Variants in PPARGC1A observed in about 807,000 individuals in gnomAD.
The protein encoded by PPARGC1A is PPARG coactivator 1 alpha.
PPARGC1A carries 25 observed loss-of-function variants against 88.7 expected under a neutral mutation model. The observed-to-expected ratio is 0.28, with a 90% CI of 0.21 to 0.39. The LOEUF is 0.39. Ranked by LOEUF, PPARGC1A falls within the 10% of genes least tolerant of loss-of-function variation. PPARGC1A has a pLI of 1.00. For missense variants in PPARGC1A, 880 were observed against 968.7 expected (o/e 0.91, Z 1.22); for synonymous variants, 363 against 355.6 (o/e 1.02, Z -0.24).
At chr4:24,236,825 C>A in the PPARGC1A span, among the ~76,000 whole-genome samples, 1 of 152,120 alleles carries the variant, frequency 6.6e-6, no homozygotes, top group African/African-American at 2.4e-5. Flanking sequence ...TTCGAAAATC[C>A]CCTTAAAAGT....
intron 1 of PPARGC1A, among the ~76,000 whole-genome samples, chr4:23,887,518 A>G (rs1216099051): frequency 6.6e-6 from 1 of 152,192 alleles, no homozygotes; most frequent in Non-Finnish European, 1.5e-5. Flanking sequence ...TGCAACTATG[A>G]CAGCTATTTC....
chr4:23,913,294 AGAGAGAG>A, the PPARGC1A span, among the ~76,000 whole-genome samples: 1 of 146,186 alleles, frequency 6.8e-6, no homozygotes, highest in Admixed American at 6.9e-5. Context: ...AGAGAGAGAG[AGAGAGAG>A]AGAGAGAAAG....
chr4:23,917,231 T>C, the PPARGC1A span, among the ~76,000 whole-genome samples: 1 of 152,150 alleles, frequency 6.6e-6, no homozygotes, highest in Non-Finnish European at 1.5e-5. Context: ...AAGAATAAAA[T>C]GGGTACTTAC....
At chr4:24,371,765 A>AC in the PPARGC1A span, among the ~76,000 whole-genome samples, 7 of 142,192 alleles carry the variant, frequency 4.9e-5, no homozygotes, top group Admixed American at 2.1e-4. Context: ...ACATGATGAA[A>AC]CCCCATCTCC....
chr4:24,264,614 C>T, the PPARGC1A span, among the ~76,000 whole-genome samples: 31 of 152,336 alleles, frequency 2.0e-4, no homozygotes, highest in South Asian at 1.7e-3. Context: ...TGGCAACATG[C>T]GGAACCCAGG....
chr4:24,105,995 T>A, the PPARGC1A span, among the ~76,000 whole-genome samples: 1 of 152,226 alleles, frequency 6.6e-6, no homozygotes, highest in Non-Finnish European at 1.5e-5. Context: ...CTAACTCATT[T>A]CAGCAGCCTG....
intron 10 of PPARGC1A, among the ~76,000 whole-genome samples, chr4:23,810,588 T>C (rs1298479005): frequency 6.6e-6 from 1 of 152,196 alleles, no homozygotes; most frequent in East Asian, 1.9e-4. Context: ...TAATCATCTT[T>C]AGAAGGCATA....
chr4:24,114,437 A>T, the PPARGC1A span, among the ~76,000 whole-genome samples: 1 of 152,166 alleles, frequency 6.6e-6, no homozygotes, highest in Non-Finnish European at 1.5e-5. Context: ...TCTGGAAAAA[A>T]CAGGGTTTTA....
chr4:24,216,446 C>A, the PPARGC1A span, among the ~76,000 whole-genome samples: 1 of 152,108 alleles, frequency 6.6e-6, no homozygotes, highest in African/African-American at 2.4e-5. Flanking sequence ...TCACACTCAG[C>A]CCATTTTGCA....
chr4:23,949,246 G>C, the PPARGC1A span, among the ~76,000 whole-genome samples: 16 of 151,996 alleles, frequency 1.1e-4, no homozygotes, highest in African/African-American at 3.9e-4. Flanking sequence ...ACATGTCAAC[G>C]TAATTTCTAA....
At chr4:23,876,953 A>C (rs1055785453) in intron 2 of PPARGC1A, among the ~76,000 whole-genome samples, 1 of 152,186 alleles carries the variant, frequency 6.6e-6, no homozygotes, top group Non-Finnish European at 1.5e-5. Flanking sequence ...GCAGGTCTAC[A>C]AAATATTAGT....
the PPARGC1A span, among the ~76,000 whole-genome samples, chr4:24,263,819 A>G: frequency 6.6e-6 from 1 of 152,080 alleles, no homozygotes; most frequent in Non-Finnish European, 1.5e-5. Context: ...GTGCCATCTT[A>G]GCTCACTGCA....
chr4:24,307,840 A>C, the PPARGC1A span, among the ~76,000 whole-genome samples: 2 of 152,052 alleles, frequency 1.3e-5, no homozygotes, highest in Non-Finnish European at 2.9e-5. Context: ...TTAAATGAAT[A>C]CCCAAGACAG....
chr4:23,812,706 A>C lies in PPARGC1A; in HGVS notation c.2019+41T>G, dbSNP rs746940106. The C allele has an allele frequency of 6.2e-6, 10 of 1,609,302 alleles. No homozygotes were observed. In the Admixed American group the frequency reaches 1.7e-4, roughly 27 times the overall value. Reference sequence around the variant, plus strand: ...CAAAAAAAGCACACAGAAAAAGAAGAAACCCTACTTTAAAATAAAAGTGAG... The same window carrying C: ...CAAAAAAAGCACACAGAAAAAGAAGCAACCCTACTTTAAAATAAAAGTGAG... On this transcript the variant is annotated intron_variant, in intron 10 of 12. Coordinates refer to ENST00000264867, the MANE Select transcript of PPARGC1A (RefSeq NM_013261.5).
intron 7 of PPARGC1A, among the ~76,000 whole-genome samples, chr4:23,819,271 C>T (rs1434786962): frequency 3.3e-5 from 5 of 152,182 alleles, no homozygotes; most frequent in African/African-American, 1.2e-4. Context: ...AGTGTTCACA[C>T]TTGGCACAGA....
chr4:24,245,423 A>G, the PPARGC1A span, among the ~76,000 whole-genome samples: 1 of 152,216 alleles, frequency 6.6e-6, no homozygotes, highest in Non-Finnish European at 1.5e-5. Context: ...TTTCAAGCAC[A>G]GTACACTGAG....
the PPARGC1A span, among the ~76,000 whole-genome samples, chr4:24,178,996 T>C: frequency 6.6e-6 from 1 of 152,304 alleles, no homozygotes; most frequent in South Asian, 2.1e-4. Context: ...TTTTTGTTAA[T>C]AACAAAAGAG....
At chr4:23,818,002 C>G (rs1332868171) in intron 7 of PPARGC1A, among the ~76,000 whole-genome samples, 1 of 152,158 alleles carries the variant, frequency 6.6e-6, no homozygotes, top group Non-Finnish European at 1.5e-5. Flanking sequence ...CCTCCGCTAC[C>G]CACAACTTTC....
chr4:23,935,669 G>A, the PPARGC1A span, among the ~76,000 whole-genome samples: 10 of 152,060 alleles, frequency 6.6e-5, no homozygotes, highest in East Asian at 1.2e-3. Context: ...AACAAACCAC[G>A]TGGTAGACAT....
Sources: allele counts gnomAD v4.1 joint callset (sites outside exome capture counted in the v4.1 genomes callset), GRCh38; gene constraint gnomAD v4.1.1; transcripts MANE v1.5; gene names NCBI Gene and HGNC (gene_info 2026-07-23, HGNC 2026-07-21).